Variants in WDHD1 observed in about 807,000 individuals in gnomAD.
WDHD1 encodes the protein WD repeat and HMG-box DNA-binding protein 1.
WDHD1 carries 111 observed loss-of-function variants against 135.4 expected under a neutral mutation model. The observed-to-expected ratio is 0.82, with a 90% confidence interval of 0.70 to 0.96. The LOEUF is 0.96. Ranked by LOEUF, WDHD1 falls within the 40% of genes least tolerant of loss-of-function variation. The pLI, the probability that WDHD1 is intolerant of heterozygous loss-of-function variation, is 0.00. For synonymous variants in WDHD1, 434 were observed against 439.0 expected, an observed-to-expected ratio of 0.99 and a Z score of 0.14; for missense variants, 1,351 against 1,336.3, an observed-to-expected ratio of 1.01 and a Z score of -0.17.
chr14:54,939,786 CA>C lies in WDHD1; in HGVS notation c.*1703del, dbSNP rs1490151023. 1 of 152,126 alleles carries C rather than the reference CA, an allele frequency of 6.6e-6. No homozygotes were observed. The highest frequency in any genetic ancestry group is 2.4e-5 in the African/African-American group (1 of 41,436). The allele number at this position is 152,126 out of a possible 1,614,324, so 9.4% of individuals were successfully genotyped here. ...ATTAGGTTGCTATGAATCTGAAATA[CA>C]ATATACACAGATTATATCCTTAAGC... On this transcript the variant is annotated 3_prime_UTR_variant, in exon 26 of 26. Coordinates refer to ENST00000360586, the MANE Select transcript of WDHD1 (RefSeq NM_007086.4).
intron 20 of WDHD1, 24 bp from the exon 21 acceptor site, chr14:54,962,575 T>C (rs757759336): frequency 1.9e-6 from 3 of 1,586,798 alleles, no homozygotes; most frequent in Non-Finnish European, 2.6e-6. Context: ...TAAAGCAATA[T>C]AATGTAAATG....
intron 7 of WDHD1, 49 bp downstream of exon 7, chr14:55,007,231 T>TTAAAAAA: frequency 9.5e-7 from 1 of 1,053,084 alleles, no homozygotes; most frequent in South Asian, 1.6e-5. Context: ...CCATCTCTAA[T>TTAAAAAA]AAAAAAAAAA....
At chr14:54,995,482 A>AATTTCCTCTAAGC in intron 11 of WDHD1, 121 bp downstream of exon 11, 2 of 703,100 alleles carry the variant, frequency 2.8e-6, no homozygotes, top group Non-Finnish European at 4.3e-6. Flanking sequence ...AATGCTATAA[A>AATTTCCTCTAAGC]ATTTCCTCTA....
intron 16 of WDHD1, among the ~76,000 whole-genome samples, chr14:54,973,003 GATTT>G (rs1010298082): frequency 3.3e-5 from 5 of 151,778 alleles, no homozygotes; most frequent in Admixed American, 1.3e-4. Context: ...TCTCGCAGCT[GATTT>G]ATTAAAAAGC....
intron 7 of WDHD1, chr14:55,005,439 G>T: frequency 3.5e-6 from 2 of 569,986 alleles, no homozygotes; most frequent in South Asian, 2.8e-5. Flanking sequence ...ATGGCCTTCG[G>T]ACCAGTATTC....
At chr14:54,981,308 G>A (rs1246600970) in intron 16 of WDHD1, among the ~76,000 whole-genome samples, 1 of 152,086 alleles carries the variant, frequency 6.6e-6, no homozygotes, top group Non-Finnish European at 1.5e-5. Context: ...TCCCTGTGTG[G>A]CTGAAATGAT....
chr14:54,987,801 ATT>A (rs2041717919), intron 13 of WDHD1, among the ~76,000 whole-genome samples: 2 of 152,054 alleles, frequency 1.3e-5, no homozygotes. Context: ...TAATTTTTGC[ATT>A]TTTAGTAGAG....
Position 54,955,535 on chromosome 14 carries a change from C to T in WDHD1, c.3050+26G>A, listed in dbSNP as rs1238369545. The stretch of plus-strand genomic sequence containing the variant: ...CTGTATACTTTTTACTTGGTCACTG[C>T]ATGCTAAATTTCTCTATGTACTGAC... On this transcript the variant is annotated intron_variant, in intron 24 of 25. Coordinates refer to ENST00000360586, the MANE Select transcript of WDHD1 (RefSeq NM_007086.4). 1.3e-5 allele frequency: 20 copies of T among 1,490,924 alleles called. No homozygotes were observed. In the Admixed American group the frequency reaches 4.6e-4, roughly 34 times the overall value. 92.4% of individuals were successfully genotyped at this position (1,490,924 alleles called of 1,614,324 possible). A position where few individuals can be genotyped will look rare whatever the true frequency, so the allele number is the denominator to read the frequency against.
At chr14:54,991,711 A>G (rs940455676) in intron 11 of WDHD1, among the ~76,000 whole-genome samples, 2 of 152,038 alleles carry the variant, frequency 1.3e-5, no homozygotes, top group African/African-American at 4.8e-5. Flanking sequence ...TTTTTTTTTT[A>G]AAGTTCTGTG....
At chr14:55,023,211 A>C (rs2042378442) in intron 2 of WDHD1, among the ~76,000 whole-genome samples, 2 of 152,006 alleles carry the variant, frequency 1.3e-5, no homozygotes, top group East Asian at 1.9e-4. Flanking sequence ...CCTACCTTTC[A>C]CTTTAAGTTG....
At chr14:54,944,023 C>T (rs956963664) in intron 25 of WDHD1, among the ~76,000 whole-genome samples, 4 of 152,086 alleles carry the variant, frequency 2.6e-5, no homozygotes, top group African/African-American at 9.7e-5. Context: ...TATATCCGCA[C>T]TTACTTTCCT....
chr14:54,974,656 T>C (rs865940344), intron 16 of WDHD1, among the ~76,000 whole-genome samples: 1 of 151,962 alleles, frequency 6.6e-6, no homozygotes, highest in South Asian at 2.1e-4. Context: ...CGAAACACTG[T>C]CTCTACTAAA....
intron 21 of WDHD1, among the ~76,000 whole-genome samples, chr14:54,961,349 G>A (rs1293783299): frequency 6.6e-6 from 1 of 151,956 alleles, no homozygotes; most frequent in Non-Finnish European, 1.5e-5. Context: ...ATAAAAAAAA[G>A]ACCAAAATCC....
intron 16 of WDHD1, among the ~76,000 whole-genome samples, chr14:54,971,458 T>C (rs945875977): frequency 3.4e-4 from 52 of 152,216 alleles, no homozygotes; most frequent in African/African-American, 1.3e-3. Context: ...GTGCCTGTAG[T>C]CTTGTGCAAT....
intron 16 of WDHD1, among the ~76,000 whole-genome samples, chr14:54,971,517 C>A (rs1465348823): frequency 6.6e-6 from 1 of 152,078 alleles, no homozygotes; most frequent in African/African-American, 2.4e-5. Context: ...TAGGATATAT[C>A]TAACCAAGGA....
intron 7 of WDHD1, chr14:55,004,832 G>C (rs1384757700): frequency 2.0e-6 from 1 of 495,960 alleles, no homozygotes; most frequent in Non-Finnish European, 4.0e-6. Context: ...CTCAGTGGTT[G>C]TTCCTATGCA....
chr14:55,007,691 C>T (rs1377448885), intron 6 of WDHD1, among the ~76,000 whole-genome samples: 1 of 152,160 alleles, frequency 6.6e-6, no homozygotes, highest in Non-Finnish European at 1.5e-5. Flanking sequence ...AATAAAACTT[C>T]AATGGTCTAC....
At chr14:55,006,989 G>A (rs1454562070) in intron 7 of WDHD1, among the ~76,000 whole-genome samples, 1 of 152,070 alleles carries the variant, frequency 6.6e-6, no homozygotes, top group African/African-American at 2.4e-5. Context: ...CATTTTGTGA[G>A]GCTGAGGTGC....
chr14:54,979,205 G>A (rs765640574), intron 16 of WDHD1, among the ~76,000 whole-genome samples: 15 of 152,090 alleles, frequency 9.9e-5, no homozygotes, highest in African/African-American at 1.7e-4. Context: ...AGACAGGAGT[G>A]CAGAGGTGTG....
Sources: allele counts gnomAD v4.1 joint callset (sites outside exome capture counted in the v4.1 genomes callset), GRCh38; gene constraint gnomAD v4.1.1; transcripts MANE v1.5; gene names NCBI Gene and HGNC (gene_info 2026-07-23, HGNC 2026-07-21).